The following GRIK2 variants were observed in gnomAD, a reference collection of about 807,000 sequenced individuals.
The protein encoded by GRIK2 is glutamate ionotropic receptor kainate type subunit 2.
In GRIK2, 32 loss-of-function variants were observed where a neutral mutation model predicts 100.3. The observed-to-expected ratio is 0.32, with a 90% CI of 0.24 to 0.43. The LOEUF (loss-of-function observed/expected upper bound fraction) is 0.43. Among genes scored for constraint, GRIK2 ranks in the 20% least tolerant of loss-of-function variants. The probability of loss-of-function intolerance (pLI) is 1.00; values close to 1 mark genes in which losing one functional copy is unlikely to be tolerated. For missense variants in GRIK2, 843 were observed against 1,114.9 expected (o/e 0.76, Z 3.47); for synonymous variants, 417 against 389.4 (o/e 1.07, Z -0.83).
intron 7 of GRIK2, among the ~76,000 whole-genome samples, chr6:101,737,385 AG>A (rs1282039010): frequency 6.6e-6 from 1 of 152,230 alleles, no homozygotes; most frequent in African/African-American, 2.4e-5. Flanking sequence ...ATGGACTTAT[AG>A]TTCCACATGG....
chr6:101,830,713 A>C (rs547966585), intron 10 of GRIK2, among the ~76,000 whole-genome samples: 53 of 151,758 alleles, frequency 3.5e-4, no homozygotes, highest in African/African-American at 9.2e-4. Context: ...AAAAAAAAAA[A>C]CCCACAGATG....
intron 2 of GRIK2, among the ~76,000 whole-genome samples, chr6:101,552,728 G>T (rs1385045410): frequency 6.6e-6 from 1 of 152,250 alleles, no homozygotes; most frequent in East Asian, 1.9e-4. Context: ...GTGCACCTGA[G>T]AATTGGCAAG....
intron 14 of GRIK2, among the ~76,000 whole-genome samples, chr6:101,962,262 A>G (rs1792352856): frequency 6.6e-6 from 1 of 151,878 alleles, no homozygotes; most frequent in African/African-American, 2.4e-5. Context: ...TCCACTCAGG[A>G]TGTGATTACT....
intron 10 of GRIK2, among the ~76,000 whole-genome samples, chr6:101,846,896 T>G (rs1157696152): frequency 6.6e-6 from 1 of 152,032 alleles, no homozygotes; most frequent in East Asian, 1.9e-4. Context: ...ACTTTTTTCT[T>G]GATTGGTCTA....
At chr6:101,970,071 C>T (rs944567116) in intron 14 of GRIK2, among the ~76,000 whole-genome samples, 3 of 152,020 alleles carry the variant, frequency 2.0e-5, no homozygotes, top group African/African-American at 7.2e-5. Flanking sequence ...TTTATATCTA[C>T]AGCATTTTAT....
At chr6:101,832,935 A>T (rs1207191819) in intron 10 of GRIK2, among the ~76,000 whole-genome samples, 1 of 152,198 alleles carries the variant, frequency 6.6e-6, no homozygotes, top group African/African-American at 2.4e-5. Flanking sequence ...AATTCAGAAG[A>T]AACAACACAA....
intron 2 of GRIK2, among the ~76,000 whole-genome samples, chr6:101,483,954 C>A (rs1207186998): frequency 6.6e-6 from 1 of 152,144 alleles, no homozygotes; most frequent in East Asian, 1.9e-4. Flanking sequence ...GAATATTTTG[C>A]CAACATAAGA....
chr6:101,887,168 A>G (rs1204087692), intron 11 of GRIK2, among the ~76,000 whole-genome samples: 2 of 152,016 alleles, frequency 1.3e-5, no homozygotes, highest in South Asian at 2.1e-4. Flanking sequence ...TTAATATTCT[A>G]TATAAGAAGA....
chr6:101,838,660 T>G (rs1783299705), intron 10 of GRIK2, among the ~76,000 whole-genome samples: 1 of 151,968 alleles, frequency 6.6e-6, no homozygotes, highest in Non-Finnish European at 1.5e-5. Context: ...ACAACTTTTT[T>G]TTTTTTTTGA....
chr6:101,822,261 A>G (rs1278284552), intron 10 of GRIK2, among the ~76,000 whole-genome samples: 1 of 150,982 alleles, frequency 6.6e-6, no homozygotes, highest in Non-Finnish European at 1.5e-5. Context: ...TACAACTTAT[A>G]ATTAAGATAT....
In GRIK2 at chr6:101,570,601, A is replaced by G. The variant is rs567926208; in HGVS notation, c.116-51348A>G. On this transcript the variant is annotated intron_variant, in intron 2 of 16. Transcript: ENST00000369134. ...AAATTAAATGGCAGTTCACCTAAGA[A>G]GTTCTTCCATGTACCTAAACTTGGA... Among the ~76,000 whole-genome samples, 3 of 152,274 alleles carry G rather than the reference A, an allele frequency of 2.0e-5. No homozygotes were observed. In the South Asian group the frequency reaches 6.2e-4, roughly 32 times the overall value.
At chr6:101,935,285 C>T (rs955803443) in intron 14 of GRIK2, among the ~76,000 whole-genome samples, 7 of 151,862 alleles carry the variant, frequency 4.6e-5, no homozygotes, top group African/African-American at 1.7e-4. Context: ...TATTAACTAG[C>T]CACATAGCTT....
intron 7 of GRIK2, among the ~76,000 whole-genome samples, chr6:101,779,875 C>CTATA (rs1212815935): frequency 4.6e-5 from 7 of 151,192 alleles, no homozygotes; most frequent in African/African-American, 1.7e-4. Context: ...AAATCTCTCT[C>CTATA]TCTATATATA....
intron 14 of GRIK2, among the ~76,000 whole-genome samples, chr6:102,006,390 A>ATATATATATATATTTTTTT (rs1315524835): frequency 5.3e-5 from 6 of 114,102 alleles, no homozygotes; most frequent in African/African-American, 9.1e-5. Context: ...ATATATATAT[A>ATATATATATATATTTTTTT]TTTTTTTTTT....
chr6:101,442,789 A>G (rs1770151601), intron 2 of GRIK2, among the ~76,000 whole-genome samples: 1 of 152,154 alleles, frequency 6.6e-6, no homozygotes, highest in Non-Finnish European at 1.5e-5. Context: ...ATTCAATGTA[A>G]CTATTCACAA....
intron 14 of GRIK2, among the ~76,000 whole-genome samples, chr6:101,958,086 T>C (rs1268552798): frequency 6.6e-6 from 1 of 152,136 alleles, no homozygotes; most frequent in East Asian, 1.9e-4. Context: ...ATTGAATCTG[T>C]AGATTGTTTT....
intron 2 of GRIK2, among the ~76,000 whole-genome samples, chr6:101,536,330 G>T (rs77143199): frequency 6.6e-6 from 1 of 151,434 alleles, no homozygotes; most frequent in Non-Finnish European, 1.5e-5. Flanking sequence ...ATGATTTAAG[G>T]CGTATCTCTT....
At chr6:101,818,666 A>G (rs1781776849) in intron 10 of GRIK2, among the ~76,000 whole-genome samples, 183 bp downstream of exon 10, 1 of 152,184 alleles carries the variant, frequency 6.6e-6, no homozygotes, top group African/African-American at 2.4e-5. Context: ...AATGATCTAA[A>G]TTGTATTAAC....
At chr6:101,603,354 A>G (rs1474951127) in intron 2 of GRIK2, among the ~76,000 whole-genome samples, 1 of 151,724 alleles carries the variant, frequency 6.6e-6, no homozygotes, top group African/African-American at 2.4e-5. Context: ...GGATAGAAGT[A>G]TGAGCTGGTG....
Sources: gnomAD v4.1 joint callset for allele counts (sites outside exome capture counted in the v4.1 genomes callset) on GRCh38, gnomAD v4.1.1 for gene constraint, MANE v1.5 for transcripts, NCBI Gene and HGNC (gene_info 2026-07-23, HGNC 2026-07-21) for gene names.